The following ZNF609 variants were observed in gnomAD, a reference collection of about 807,000 sequenced individuals.
The protein encoded by ZNF609 is zinc finger protein 609.
A neutral mutation model predicts 109.5 loss-of-function variants in ZNF609; 11 were observed. The ratio of observed to expected loss-of-function variants is 0.10; its 90% CI spans 0.06 to 0.17. The LOEUF is 0.17. ZNF609 is among the 10% of genes least tolerant of loss of function. The pLI is 1.00. For synonymous variants in ZNF609, 646 were observed against 662.0 expected (o/e 0.98, Z 0.37); for missense variants, 1,559 against 1,772.4 (o/e 0.88, Z 2.16).
At position 64,478,194 on chromosome 15, in the gene ZNF609, G is replaced by GTGTGTC. The variant is rs1555414008; in HGVS notation, c.-128+17359_-128+17360insGTCTGT. On this transcript the variant is annotated intron_variant, in intron 1 of 9. Transcript: ENST00000326648. Reference sequence around the variant, plus strand: ...TGTGTGTGTGTGTGTGTGTGTGTGTGTGTCTGTTTAAAGAGGTGGGGTCTT... The same window carrying GTGTGTC: ...TGTGTGTGTGTGTGTGTGTGTGTGTGTGTGTCTGTCTGTTTAAAGAGGTGGGGTCTT... Among the ~76,000 whole-genome samples the GTGTGTC allele has an allele frequency of 1.3e-4, 19 of 146,602 alleles. No homozygotes were observed. The East Asian group carries it at 2.5e-3, about 20-fold the overall frequency.
intron 2 of ZNF609, among the ~76,000 whole-genome samples, chr15:64,613,924 T>C (rs1309413807): frequency 6.6e-6 from 1 of 151,106 alleles, no homozygotes; most frequent in Non-Finnish European, 1.5e-5. Context: ...GAAGATTTTT[T>C]TTTTTCTGAT....
At chr15:64,526,686 T>C (rs1333069814) in intron 2 of ZNF609, among the ~76,000 whole-genome samples, 6 of 152,136 alleles carry the variant, frequency 3.9e-5, no homozygotes, top group Non-Finnish European at 8.8e-5. Flanking sequence ...CAATCACAGC[T>C]TACTGCAATG....
intron 2 of ZNF609, among the ~76,000 whole-genome samples, chr15:64,520,936 C>A (rs1274207619): frequency 6.6e-6 from 1 of 152,192 alleles, no homozygotes; most frequent in African/African-American, 2.4e-5. Context: ...ACCTGATTTT[C>A]GTCACTTCAG....
chr15:64,565,261 A>G lies in ZNF609; in HGVS notation c.748-57566A>G, dbSNP rs191489197. 7.4e-5 allele frequency among the ~76,000 whole-genome samples: 11 copies of G among 149,658 alleles called. No individual in the cohort carries two copies. The East Asian group carries it at 1.9e-3, about 26-fold the overall frequency. On this transcript the variant is annotated intron_variant, in intron 2 of 9. Transcript: ENST00000326648. ...TATTATTATTATTATTACTATTTTT[A>G]GTAGAGACGGAGTTTCACCATGTTG...
At chr15:64,657,005 T>C (rs893063876) in intron 3 of ZNF609, among the ~76,000 whole-genome samples, 1 of 152,192 alleles carries the variant, frequency 6.6e-6, no homozygotes, top group African/African-American at 2.4e-5. Context: ...ACGCCTGTAA[T>C]CCCAGCACTT....
intron 2 of ZNF609, among the ~76,000 whole-genome samples, chr15:64,600,932 G>A (rs927201165): frequency 6.6e-6 from 1 of 152,014 alleles, no homozygotes; most frequent in African/African-American, 2.4e-5. Flanking sequence ...TTTCAGTTCT[G>A]CTTCAGAGTA....
chr15:64,665,975 T>C (rs894377516), intron 3 of ZNF609, among the ~76,000 whole-genome samples: 1 of 151,084 alleles, frequency 6.6e-6, no homozygotes, highest in Non-Finnish European at 1.5e-5. Flanking sequence ...CTCAGGAGGC[T>C]GAGGCAGGAG....
At position 64,674,786 on chromosome 15, in the gene ZNF609, A is replaced by C. The variant is rs754094375; in HGVS notation, c.1932A>C (p.Lys644Asn). The C allele has an allele frequency of 1.9e-6, 3 of 1,613,988 alleles. No homozygotes were observed. Among genetic ancestry groups the C allele is most frequent in the East Asian group, 2.2e-5 (1 of 44,868 alleles). The change falls in exon 5 of 10, where the codon AAA (lysine) becomes AAC (asparagine). Residue 644 changes from lysine to asparagine, a missense_variant. Lys to Asn is a moderately conservative substitution (Grantham distance 94). Around this residue, in one of 4 missense-constraint regions of ZNF609, gnomAD observed 1,204 missense variants for 1,314.1 expected, o/e 0.92. Coordinates refer to ENST00000326648, the MANE Select transcript of ZNF609 (RefSeq NM_015042.2). ...KEKCKKPSSL[K>N]PEKIPSKSLK... ...AATGTAAAAAACCCTCTAGTTTAAA[A>C]CCTGAAAAGATTCCTTCCAAGAGCC...
At chr15:64,613,385 G>T (rs1324307093) in intron 2 of ZNF609, among the ~76,000 whole-genome samples, 1 of 152,056 alleles carries the variant, frequency 6.6e-6, no homozygotes. Context: ...GTGTTGTTTT[G>T]GGATTTACTC....
At chr15:64,478,413 C>T (rs1267621273) in intron 1 of ZNF609, among the ~76,000 whole-genome samples, 1 of 152,056 alleles carries the variant, frequency 6.6e-6, no homozygotes, top group Non-Finnish European at 1.5e-5. Context: ...CTCTGTTGCC[C>T]AGGCTGTGGT....
chr15:64,627,536 T>C lies in ZNF609; in HGVS notation c.973+4484T>C, dbSNP rs1272148858. Among the ~76,000 whole-genome samples the C allele has an allele frequency of 5.3e-5, 8 of 152,104 alleles. No individual in the cohort carries two copies. In the East Asian group the frequency reaches 1.5e-3, roughly 29 times the overall value. On this transcript the variant is annotated intron_variant, in intron 3 of 9. Transcript: ENST00000326648. ...GAGTAAAACTCTGGAGACTTCTATA[T>C]CTCTGCCACTATCATTATGACCTTG...
At chr15:64,475,034 C>T (rs1258827932) in intron 1 of ZNF609, among the ~76,000 whole-genome samples, 1 of 150,138 alleles carries the variant, frequency 6.7e-6, no homozygotes, top group Non-Finnish European at 1.5e-5. Context: ...GCTCAAGTGA[C>T]CTCCTACCTC....
chr15:64,673,113 A>G (rs1394258634), intron 4 of ZNF609, among the ~76,000 whole-genome samples: 1 of 152,212 alleles, frequency 6.6e-6, no homozygotes, highest in African/African-American at 2.4e-5. Context: ...GAGCTGAGTG[A>G]GTAGGTTGAT....
At chr15:64,544,427 T>G (rs1894323424) in intron 2 of ZNF609, among the ~76,000 whole-genome samples, 1 of 152,196 alleles carries the variant, frequency 6.6e-6, no homozygotes, top group South Asian at 2.1e-4. Flanking sequence ...TTGAAAGGAC[T>G]TCAGGGCTGT....
intron 1 of ZNF609, among the ~76,000 whole-genome samples, chr15:64,492,695 C>T (rs1042446884): frequency 2.6e-5 from 4 of 152,134 alleles, no homozygotes; most frequent in Non-Finnish European, 5.9e-5. Flanking sequence ...ACTTGTCTTA[C>T]ATTTTTCAGA....
intron 3 of ZNF609, among the ~76,000 whole-genome samples, chr15:64,641,343 G>C (rs754928989): frequency 1.4e-5 from 2 of 148,066 alleles, no homozygotes; most frequent in African/African-American, 2.5e-5. Context: ...TCAGTCTCCC[G>C]AGTAGCTGGG....
At chr15:64,532,264 C>G (rs956638276) in intron 2 of ZNF609, among the ~76,000 whole-genome samples, 5 of 152,104 alleles carry the variant, frequency 3.3e-5, no homozygotes, top group South Asian at 2.1e-4. Flanking sequence ...TTATCCTATC[C>G]CATTATTTTT....
intron 3 of ZNF609, among the ~76,000 whole-genome samples, chr15:64,644,140 T>C (rs1014625428): frequency 1.3e-5 from 2 of 152,068 alleles, no homozygotes; most frequent in African/African-American, 4.8e-5. Flanking sequence ...ATTTGTATTA[T>C]TTATTTATTT....
chr15:64,672,161 C>T (rs1166989716), intron 4 of ZNF609, among the ~76,000 whole-genome samples: 11 of 150,216 alleles, frequency 7.3e-5, no homozygotes, highest in Admixed American at 5.3e-4. Flanking sequence ...TACAGGCGCC[C>T]GCCACCACGC....
Sources: gnomAD v4.1 joint callset for allele counts (sites outside exome capture counted in the v4.1 genomes callset) on GRCh38, gnomAD v4.1.1 for gene constraint, gnomAD v4.1.1 regional missense constraint, MANE v1.5 for transcripts, NCBI Gene and HGNC (gene_info 2026-07-23, HGNC 2026-07-21) for gene names.